Variants in KDM4B observed in about 807,000 individuals in gnomAD.
The protein encoded by KDM4B is lysine-specific demethylase 4B.
A neutral mutation model predicts 125.2 loss-of-function variants in KDM4B; 32 were observed. That is an observed-to-expected ratio of 0.26 (90% confidence interval 0.19 to 0.34). KDM4B has a LOEUF of 0.34. Ranked by LOEUF, KDM4B falls within the 10% of genes least tolerant of loss-of-function variation. KDM4B has a pLI of 1.00. For synonymous variants in KDM4B, 721 were observed against 677.9 expected (o/e 1.06, Z -0.99); for missense variants, 1,190 against 1,577.7 (o/e 0.75, Z 4.16).
intron 2 of KDM4B, 66 bp from the exon 3 acceptor site, chr19:5,032,800 A>C: frequency 6.9e-7 from 1 of 1,449,554 alleles, no homozygotes; most frequent in South Asian, 1.2e-5. Context: ...GTTCTGAGGG[A>C]GGACGGGCTC....
intron 11 of KDM4B, among the ~76,000 whole-genome samples, chr19:5,124,864 G>A (rs1311975416): frequency 6.6e-6 from 1 of 152,176 alleles, no homozygotes; most frequent in Admixed American, 6.5e-5. Flanking sequence ...CCAAGGTGCT[G>A]GGATTACAGG....
intron 6 of KDM4B, among the ~76,000 whole-genome samples, chr19:5,064,563 C>G (rs555225982): frequency 6.6e-6 from 1 of 152,140 alleles, no homozygotes; most frequent in African/African-American, 2.4e-5. Flanking sequence ...GGGTTGGATT[C>G]CAAGTGCCAC....
intron 5 of KDM4B, among the ~76,000 whole-genome samples, chr19:5,042,688 G>T (rs770772251): frequency 3.3e-5 from 5 of 151,666 alleles, no homozygotes; most frequent in Admixed American, 2.0e-4. Flanking sequence ...GTGAGGGGGG[G>T]GGCGCCGTAG....
At chr19:5,116,618 G>A (rs1297697875) in intron 10 of KDM4B, among the ~76,000 whole-genome samples, 2 of 152,156 alleles carry the variant, frequency 1.3e-5, no homozygotes, top group African/African-American at 4.8e-5. Context: ...ATGGAGAGAA[G>A]GGGACACCCT....
intron 1 of KDM4B, among the ~76,000 whole-genome samples, chr19:4,978,172 G>C (rs1177136385): frequency 6.6e-6 from 1 of 152,102 alleles, no homozygotes; most frequent in Non-Finnish European, 1.5e-5. Context: ...CAGGAAGGGG[G>C]GACGAGGCGG....
At chr19:5,149,720 G>A (rs1202320345) in intron 21 of KDM4B, among the ~76,000 whole-genome samples, 7 of 152,238 alleles carry the variant, frequency 4.6e-5, no homozygotes, top group South Asian at 2.1e-4. Flanking sequence ...CAAGCTTAAC[G>A]AGGAGGAAGC....
At chr19:5,150,108 G>A (rs2146122660) in intron 21 of KDM4B, among the ~76,000 whole-genome samples, 1 of 152,360 alleles carries the variant, frequency 6.6e-6, no homozygotes, top group Admixed American at 6.5e-5. Flanking sequence ...GAAGCTGCGG[G>A]GCCCTGCCTC....
At chr19:5,060,434 A>T (rs1378450388) in intron 6 of KDM4B, among the ~76,000 whole-genome samples, 1 of 46,686 alleles carries the variant, frequency 2.1e-5, no homozygotes, top group Non-Finnish European at 3.6e-5. Flanking sequence ...CTCTGTCTCC[A>T]AAAAAAAAAA....
Position 5,114,272 on chromosome 19 carries a change from T to C in KDM4B, c.1115+3454T>C. Reference sequence around the variant, plus strand: ...TGCACCCGCCTCACCACAGCCTCCCTGGCCCACTGCTGCTCTGTGAGCCCG... The same window carrying C: ...TGCACCCGCCTCACCACAGCCTCCCCGGCCCACTGCTGCTCTGTGAGCCCG... On this transcript the variant is annotated intron_variant, in intron 10 of 22. Coordinates refer to ENST00000159111, the MANE Select transcript of KDM4B (RefSeq NM_015015.3). The surrounding 1 kb of genome is among the most constrained non-coding windows in gnomAD (Gnocchi z 5.8). 7.9e-7 allele frequency: 1 copy of C among 1,268,180 alleles called. No homozygotes were observed. The highest frequency in any genetic ancestry group is 1.0e-6 in the Non-Finnish European group (1 of 969,124). The allele number at this position is 1,268,180 out of a possible 1,614,324, so 78.6% of individuals were successfully genotyped here.
At chr19:5,146,326 T>C (rs892972704) in intron 21 of KDM4B, among the ~76,000 whole-genome samples, 5 of 150,828 alleles carry the variant, frequency 3.3e-5, no homozygotes, top group Non-Finnish European at 5.9e-5. Flanking sequence ...CCATGCAGGC[T>C]GGCCCCACCC....
At chr19:5,111,372 C>T (rs1568304268) in intron 10 of KDM4B, 1 of 763,640 alleles carries the variant, frequency 1.3e-6, no homozygotes, top group South Asian at 1.3e-5. Flanking sequence ...TCCTCCCACT[C>T]AGAACCCCTC....
rs899811741 is a variant in KDM4B at position 5,151,705 on chromosome 19, C to T, written c.*194C>T. On this transcript the variant is annotated 3_prime_UTR_variant, in exon 23 of 23. Coordinates refer to ENST00000159111, the MANE Select transcript of KDM4B (RefSeq NM_015015.3). ...CCCAGACTCAGGGAGCAGGGCCAGG[C>T]GGGCTCGGGGGCCGGCCAGGGGAGC... is the stretch of plus-strand genomic sequence containing the variant. 1.9e-5 allele frequency: 8 copies of T among 427,180 alleles called. No individual in the cohort carries two copies. The highest frequency in any genetic ancestry group is 2.0e-5 in the African/African-American group (1 of 49,042). The allele number at this position is 427,180 out of a possible 1,614,324, so 26.5% of individuals were successfully genotyped here.
chr19:4,983,650 T>C (rs1285619017), intron 1 of KDM4B, among the ~76,000 whole-genome samples: 2 of 152,102 alleles, frequency 1.3e-5, no homozygotes, highest in Non-Finnish European at 2.9e-5. Flanking sequence ...CGCTTGGCAC[T>C]GAGGAGGTGT....
chr19:5,067,544 C>G (rs185710664), intron 6 of KDM4B, among the ~76,000 whole-genome samples: 2 of 150,960 alleles, frequency 1.3e-5, no homozygotes, highest in Admixed American at 6.6e-5. Flanking sequence ...GTGGTCAGCC[C>G]TTGCGGGGTC....
At chr19:5,092,931 G>A (rs114769530) in intron 9 of KDM4B, among the ~76,000 whole-genome samples, 2,312 of 152,274 alleles carry the variant, frequency 0.015, 62 homozygotes, top group African/African-American at 0.052. Context: ...AGGGGAGGCC[G>A]GGCCCCTGTA....
In KDM4B at chr19:5,082,022, C is replaced by A. The variant is rs865974843; in HGVS notation, c.781-345C>A. Among the ~76,000 whole-genome samples the A allele has an allele frequency of 3.9e-5, 6 of 152,202 alleles. No individual in the cohort carries two copies. Among genetic ancestry groups the A allele is most frequent in the African/African-American group, 1.2e-4 (5 of 41,462 alleles). On this transcript the variant is annotated intron_variant, in intron 8 of 22. Coordinates refer to ENST00000159111, the MANE Select transcript of KDM4B (RefSeq NM_015015.3). This position sits in a 1 kb window ranked among gnomAD's most constrained non-coding sequence, Gnocchi z 5.4. ...ATGAAGGTCCGGCTGGAGACACCCC[C>A]ACGGGCATTGTGTCCAGCCACGGCT...
intron 9 of KDM4B, among the ~76,000 whole-genome samples, chr19:5,084,578 TATA>T (rs979833015): frequency 7.0e-6 from 1 of 142,688 alleles, no homozygotes; most frequent in Non-Finnish European, 1.5e-5. Flanking sequence ...TTATATGTAT[TATA>T]TATAAATATA....
Position 5,115,462 on chromosome 19 carries a change from G to A in KDM4B, c.1116-4191G>A, listed in dbSNP as rs2039237010. Among the ~76,000 whole-genome samples, 1 of 152,200 alleles carries A rather than the reference G, an allele frequency of 6.6e-6. No homozygotes were observed. The highest frequency in any genetic ancestry group is 1.5e-5 in the Non-Finnish European group (1 of 68,028). On this transcript the variant is annotated intron_variant, in intron 10 of 22. Coordinates refer to ENST00000159111, the MANE Select transcript of KDM4B (RefSeq NM_015015.3). This position sits in a 1 kb window ranked among gnomAD's most constrained non-coding sequence, Gnocchi z 4.2. ...GAACAAAGGGGCCCAGTGGAGCAAAGCCACATATGCTGATACTGGGGCTCT... is the reference window on the plus strand; with the variant it reads ...GAACAAAGGGGCCCAGTGGAGCAAAACCACATATGCTGATACTGGGGCTCT...
chr19:5,108,938 T>C (rs755473948), intron 9 of KDM4B, among the ~76,000 whole-genome samples: 59 of 151,356 alleles, frequency 3.9e-4, no homozygotes, highest in Non-Finnish European at 7.7e-4. Flanking sequence ...AGCTTCCGCA[T>C]GGCCCTCCCC....
Sources: gnomAD v4.1 joint callset for allele counts (sites outside exome capture counted in the v4.1 genomes callset) on GRCh38, gnomAD v4.1.1 for gene constraint, Gnocchi (gnomAD v3.1) non-coding constraint, MANE v1.5 for transcripts, NCBI Gene and HGNC (gene_info 2026-07-23, HGNC 2026-07-21) for gene names.